Variants in FBXO34 observed in about 807,000 individuals in gnomAD.
FBXO34 encodes the protein F-box only protein 34.
A neutral mutation model predicts 24.5 loss-of-function variants in FBXO34; 12 were observed. The ratio of observed to expected loss-of-function variants is 0.49; its 90% CI spans 0.31 to 0.79. The LOEUF is 0.79. FBXO34 is among the 30% of genes least tolerant of loss of function. The pLI is 0.04. For synonymous variants in FBXO34, 320 were observed against 311.9 expected (o/e 1.03, Z -0.27); for missense variants, 823 against 857.7 (o/e 0.96, Z 0.51).
intron 1 of FBXO34, chr14:55,282,500 G>A (rs1386606734): frequency 4.2e-6 from 1 of 239,880 alleles, no homozygotes; most frequent in African/African-American, 2.3e-5. Flanking sequence ...AGTCTGTCTG[G>A]GCACATGCCA....
intron 1 of FBXO34, among the ~76,000 whole-genome samples, chr14:55,312,257 C>T (rs1210031633): frequency 6.6e-6 from 1 of 152,198 alleles, no homozygotes; most frequent in African/African-American, 2.4e-5. Flanking sequence ...CCATGTCTCA[C>T]ATCCAGGTCA....
At chr14:55,377,791 T>A in the FBXO34 span, 1 of 1,501,560 alleles carries the variant, frequency 6.7e-7, no homozygotes, top group East Asian at 2.3e-5. Flanking sequence ...CAAAAACACT[T>A]AGAGAAAAGC....
the FBXO34 span, among the ~76,000 whole-genome samples, chr14:55,389,877 T>C: frequency 1.3e-5 from 2 of 152,248 alleles, no homozygotes; most frequent in African/African-American, 4.8e-5. Flanking sequence ...GAATTCATTT[T>C]GACAACGATC....
chr14:55,433,631 T>C, the FBXO34 span: 2 of 1,613,352 alleles, frequency 1.2e-6, no homozygotes, highest in South Asian at 1.1e-5. Flanking sequence ...TCCTCATACC[T>C]TTTGGCTCCC....
chr14:55,341,839 T>G (rs2140072105), intron 1 of FBXO34, among the ~76,000 whole-genome samples: 1 of 152,290 alleles, frequency 6.6e-6, no homozygotes, highest in South Asian at 2.1e-4. Context: ...TAAACATCAT[T>G]AAGTTTAACA....
the FBXO34 span, chr14:55,428,904 A>G: frequency 6.2e-7 from 1 of 1,614,182 alleles, no homozygotes; most frequent in Non-Finnish European, 8.5e-7. Context: ...AAATCGAGGA[A>G]TCTGGCAGGG....
At chr14:55,348,260 G>C (rs1237781660) in intron 1 of FBXO34, among the ~76,000 whole-genome samples, 1 of 152,070 alleles carries the variant, frequency 6.6e-6, no homozygotes, top group Non-Finnish European at 1.5e-5. Context: ...ACAGGGTCTT[G>C]CTGTGTTGCC....
the FBXO34 span, among the ~76,000 whole-genome samples, chr14:55,402,715 T>C: frequency 1.3e-5 from 2 of 150,146 alleles, no homozygotes; most frequent in African/African-American, 4.9e-5. Context: ...TGAGAAAGCA[T>C]AGCATAAATA....
At chr14:55,362,888 T>C (rs549567540), downstream of FBXO34, among the ~76,000 whole-genome samples, 1 of 152,260 alleles carries the variant, frequency 6.6e-6, no homozygotes, top group South Asian at 2.1e-4. Context: ...GAAAGTTCTT[T>C]CCTCAAAATC....
Position 55,351,640 on chromosome 14 carries a change from C to T in FBXO34, c.1250C>T (p.Ser417Phe), listed in dbSNP as rs760785086. ...MTDELVGLPFSSHTYSQASEL... is the reference protein window; with the variant it reads ...MTDELVGLPFFSHTYSQASEL... The stretch of plus-strand genomic sequence containing the variant: ...GATGAACTCGTTGGGTTACCTTTTT[C>T]CTCTCATACCTATTCCCAAGCCTCT... The change falls in exon 2 of 2, where the codon TCC (serine) becomes TTC (phenylalanine). Residue 417 changes from serine to phenylalanine, a missense_variant. Ser to Phe is a radical substitution (Grantham distance 155). This residue lies in a region of FBXO34 where 693 missense variants were observed against 659.1 expected (regional missense o/e 1.05). Coordinates refer to ENST00000313833, the MANE Select transcript of FBXO34 (RefSeq NM_017943.4). 5.0e-6 allele frequency: 8 copies of T among 1,614,180 alleles called. No individual in the cohort carries two copies. Among genetic ancestry groups the T allele is most frequent in the African/African-American group, 1.3e-5 (1 of 75,046 alleles).
intron 1 of FBXO34, among the ~76,000 whole-genome samples, chr14:55,347,713 T>G (rs903874889): frequency 2.0e-5 from 3 of 152,250 alleles, no homozygotes; most frequent in Non-Finnish European, 4.4e-5. Flanking sequence ...AAAGCTGGAA[T>G]GCAAATAAAA....
chr14:55,421,663 A>C, the FBXO34 span, among the ~76,000 whole-genome samples: 1 of 152,128 alleles, frequency 6.6e-6, no homozygotes, highest in Non-Finnish European at 1.5e-5. Context: ...GGGTTTCACC[A>C]TGTTGGCAAG....
the FBXO34 span, among the ~76,000 whole-genome samples, chr14:55,393,779 C>T: frequency 4.6e-5 from 7 of 152,060 alleles, no homozygotes; most frequent in African/African-American, 1.7e-4. Flanking sequence ...TTTTCAATTC[C>T]TGGGCTTGAG....
chr14:55,314,471 T>C (rs59629906), intron 1 of FBXO34, among the ~76,000 whole-genome samples: 60,162 of 152,012 alleles, frequency 0.4, 12,180 homozygotes, highest in Non-Finnish European at 0.43. Context: ...TGAGGTGTGC[T>C]AGATTGGGTA....
rs139580756 is a variant in FBXO34, at chr14:55,282,535, A to G, written c.-11+10998A>G. 391 of 225,250 alleles carry G rather than the reference A, an allele frequency of 1.7e-3. 3 individuals are homozygous for G. The highest frequency in any genetic ancestry group is 5.6e-4 in the Non-Finnish European group (60 of 107,298). 14.0% of individuals were successfully genotyped at this position (225,250 alleles called of 1,614,324 possible). A position where few individuals can be genotyped will look rare whatever the true frequency, so the allele number is the denominator to read the frequency against. On this transcript the variant is annotated intron_variant, in intron 1 of 1. Coordinates refer to ENST00000313833, the MANE Select transcript of FBXO34 (RefSeq NM_017943.4). The stretch of plus-strand genomic sequence containing the variant: ...ACATGCCAATCTTGTGCCTTTCCCA[A>G]CCTTCTTGGTTGGTAAACAGTTCTA...
chr14:55,440,733 C>T, the FBXO34 span: 2 of 595,900 alleles, frequency 3.4e-6, no homozygotes, highest in East Asian at 6.4e-5. Context: ...GCAGTCACCC[C>T]ACTCTGCCCG....
the FBXO34 span, chr14:55,382,299 A>C: frequency 4.6e-6 from 4 of 863,380 alleles, no homozygotes; most frequent in Non-Finnish European, 7.2e-6. Flanking sequence ...ATGAGCACAG[A>C]AATTTTACAT....
At chr14:55,428,385 T>C in the FBXO34 span, among the ~76,000 whole-genome samples, 2 of 152,090 alleles carry the variant, frequency 1.3e-5, no homozygotes, top group Admixed American at 1.3e-4. Flanking sequence ...TGCCTCGGCC[T>C]CCCAACACAT....
rs375077319 is a variant in FBXO34, at chr14:55,351,579, G to A, written c.1189G>A (p.Val397Met). Residue 397 changes from valine (V) to methionine (M), a missense_variant, in exon 2 of 2, where the codon GTG becomes ATG. By Grantham distance (21) the Val-to-Met change is conservative. Around this residue, in one of 2 missense-constraint regions of FBXO34, gnomAD observed 693 missense variants for 659.1 expected, o/e 1.05. Coordinates refer to ENST00000313833, the MANE Select transcript of FBXO34 (RefSeq NM_017943.4). ...AELEPGSQTA[V>M]KNSNRYDVEM... ...GTTAGAGCCGGGTTCGCAAACTGCC[G>A]TGAAAAACAGCAACAGATATGATGT... The A allele has an allele frequency of 4.0e-5, 65 of 1,614,022 alleles. No homozygotes were observed. Among genetic ancestry groups the A allele is most frequent in the Admixed American group, 2.0e-4 (12 of 60,008 alleles).
Sources: allele counts gnomAD v4.1 joint callset (sites outside exome capture counted in the v4.1 genomes callset), GRCh38; gene constraint gnomAD v4.1.1; regional missense constraint gnomAD v4.1.1; transcripts MANE v1.5; gene names NCBI Gene and HGNC (gene_info 2026-07-23, HGNC 2026-07-21).